The following RMST variants were observed in gnomAD, a reference collection of about 807,000 sequenced individuals.
The protein encoded by RMST is rhabdomyosarcoma 2 associated transcript.
intron 10 of RMST, among the ~76,000 whole-genome samples, chr12:97,524,099 A>AAAAAAAAAAAAAAAC (rs1565931331): frequency 6.7e-6 from 1 of 148,656 alleles, no homozygotes; most frequent in Non-Finnish European, 1.5e-5. Context: ...AAAAAAAAAA[A>AAAAAAAAAAAAAAAC]AAAATCACAT....
chr12:97,495,482 C>T (rs1772710075), intron 9 of RMST, among the ~76,000 whole-genome samples: 1 of 152,034 alleles, frequency 6.6e-6, no homozygotes, highest in Non-Finnish European at 1.5e-5. Flanking sequence ...AATATCTAGC[C>T]TTCTATGTAT....
Position 97,497,347 on chromosome 12 carries a change from A to G in RMST, n.1340+1291A>G, listed in dbSNP as rs1877542683. ...TAGCCAGTTTGGCCTCACCCTGACA[A>G]AGATTTTCTATCTATAAATGTCCTT... On this transcript the variant is annotated intron_variant and non_coding_transcript_variant, in intron 10 of 13. Transcript: ENST00000640149. Among the ~76,000 whole-genome samples, 3 of 152,178 alleles carry G rather than the reference A, an allele frequency of 2.0e-5. No homozygotes were observed. In the South Asian group the frequency reaches 6.2e-4, roughly 32 times the overall value.
intron 11 of RMST, among the ~76,000 whole-genome samples, chr12:97,536,099 T>C (rs192707654): frequency 8.9e-4 from 135 of 151,678 alleles, no homozygotes; most frequent in African/African-American, 2.9e-3. Context: ...TGACAACCTG[T>C]TGATAAATGT....
At chr12:97,467,339 T>C (rs1435576970) in intron 5 of RMST, among the ~76,000 whole-genome samples, 1 of 151,990 alleles carries the variant, frequency 6.6e-6, no homozygotes, top group Non-Finnish European at 1.5e-5. Flanking sequence ...GCTAAAGTTA[T>C]GACATATTAG....
chr12:97,542,099 G>T (rs2136624927), intron 11 of RMST, among the ~76,000 whole-genome samples: 1 of 152,028 alleles, frequency 6.6e-6, no homozygotes, highest in African/African-American at 2.4e-5. Flanking sequence ...AGTGGAATAT[G>T]AAAGTGGGCT....
chr12:97,545,743 G>T (rs1371537339), intron 11 of RMST, among the ~76,000 whole-genome samples: 6 of 151,990 alleles, frequency 3.9e-5, no homozygotes, highest in African/African-American at 1.4e-4. Context: ...GCAGGTTATG[G>T]GATTGGATGA....
At chr12:97,470,247 AC>A (rs1302528601) in intron 5 of RMST, among the ~76,000 whole-genome samples, 1 of 152,110 alleles carries the variant, frequency 6.6e-6, no homozygotes, top group Non-Finnish European at 1.5e-5. Context: ...CACATTTTTT[AC>A]CGTGTCTGTG....
At chr12:97,502,042 A>T (rs886536176) in intron 10 of RMST, among the ~76,000 whole-genome samples, 2 of 152,060 alleles carry the variant, frequency 1.3e-5, no homozygotes, top group African/African-American at 2.4e-5. Flanking sequence ...AGATTAGAAG[A>T]TCTGTTTGGA....
At chr12:97,470,800 T>C (rs1873820591) in intron 5 of RMST, among the ~76,000 whole-genome samples, 1 of 152,026 alleles carries the variant, frequency 6.6e-6, no homozygotes, top group South Asian at 2.1e-4. Flanking sequence ...TTTCCTGGGA[T>C]ATATTTCAGT....
At chr12:97,498,123 A>C (rs777864116) in intron 10 of RMST, among the ~76,000 whole-genome samples, 1 of 152,106 alleles carries the variant, frequency 6.6e-6, no homozygotes, top group Non-Finnish European at 1.5e-5. Flanking sequence ...TTTAAGCAAA[A>C]CCATTTTTAA....
At chr12:97,463,016 A>ACTCTCTCTCTCTCTCTCTCTCT (rs1872739638) in intron 3 of RMST, 1 of 67,000 alleles carries the variant, frequency 1.5e-5, no homozygotes, top group Non-Finnish European at 3.1e-5. Context: ...TCAAGTCAGC[A>ACTCTCTCTCTCTCTCTCTCTCT]GTCTCTCTCT....
chr12:97,473,792 G>A (rs918043864), intron 5 of RMST, among the ~76,000 whole-genome samples: 2 of 152,112 alleles, frequency 1.3e-5, no homozygotes, highest in African/African-American at 4.8e-5. Flanking sequence ...TTGTATGCAT[G>A]TTCATAATCA....
At chr12:97,464,801 A>C (rs935496114) in intron 4 of RMST, 12 of 152,126 alleles carry the variant, frequency 7.9e-5, no homozygotes, top group Non-Finnish European at 1.0e-4. Context: ...TATGTCCAAA[A>C]TCGTGGCTGA....
intron 5 of RMST, among the ~76,000 whole-genome samples, chr12:97,490,169 C>T (rs1217826970): frequency 3.3e-5 from 5 of 152,124 alleles, no homozygotes; most frequent in Non-Finnish European, 7.4e-5. Context: ...GCCTGGCGGA[C>T]GGACAGAGTA....
chr12:97,518,798 C>T (rs190930686), intron 10 of RMST, among the ~76,000 whole-genome samples: 90 of 152,168 alleles, frequency 5.9e-4, no homozygotes, highest in Middle Eastern at 3.4e-3. Context: ...AAAAAGGTCT[C>T]GTTCTGTTTG....
At chr12:97,478,584 A>G (rs2136411404) in intron 5 of RMST, among the ~76,000 whole-genome samples, 1 of 152,326 alleles carries the variant, frequency 6.6e-6, no homozygotes, top group South Asian at 2.1e-4. Context: ...AACTGTAGAC[A>G]AACACCAGTG....
At chr12:97,561,486 A>T (rs1402521649) in intron 13 of RMST, among the ~76,000 whole-genome samples, 3 of 152,144 alleles carry the variant, frequency 2.0e-5, no homozygotes, top group East Asian at 1.9e-4. Context: ...TCACATCATG[A>T]TTAATGGTGA....
At chr12:97,560,930 T>A (rs1041664792) in exon 13 of RMST, 2 of 152,302 alleles carry the variant, frequency 1.3e-5, no homozygotes, top group African/African-American at 4.8e-5. Context: ...CCAAGCTCAC[T>A]TTTAATCATG....
chr12:97,563,525 A>G (rs1416543486), intron 13 of RMST: 1 of 305,948 alleles, frequency 3.3e-6, no homozygotes, highest in African/African-American at 2.2e-5. Context: ...TCCAAGTTCA[A>G]TGTCAAAGTG....
Sources: gnomAD v4.1 joint callset for allele counts (sites outside exome capture counted in the v4.1 genomes callset) on GRCh38, gnomAD v4.1.1 for gene constraint, MANE v1.5 for transcripts, NCBI Gene and HGNC (gene_info 2026-07-23, HGNC 2026-07-21) for gene names.